The following GPHN variants were observed in gnomAD, a reference collection of about 807,000 sequenced individuals.
The protein encoded by GPHN is gephyrin.
A neutral mutation model predicts 95.5 loss-of-function variants in GPHN; 17 were observed. The ratio of observed to expected loss-of-function variants is 0.18; its 90% CI spans 0.12 to 0.27. The LOEUF (loss-of-function observed/expected upper bound fraction) is 0.27. Among genes scored for constraint, GPHN ranks in the 10% least tolerant of loss-of-function variants. The pLI is 1.00. For synonymous variants in GPHN, 320 were observed against 322.5 expected (o/e 0.99, Z 0.08); for missense variants, 660 against 978.1 (o/e 0.67, Z 4.34).
At chr14:67,718,190 C>T in the GPHN span, among the ~76,000 whole-genome samples, 1 of 152,108 alleles carries the variant, frequency 6.6e-6, no homozygotes, top group East Asian at 1.9e-4. Flanking sequence ...TGGTGCTGTA[C>T]GGGCTCCTTA....
chr14:67,324,208 T>C, the GPHN span, among the ~76,000 whole-genome samples: 1 of 152,236 alleles, frequency 6.6e-6, no homozygotes, highest in East Asian at 1.9e-4. Flanking sequence ...CTGCTTTTTT[T>C]CTCCCTTTGG....
the GPHN span, chr14:67,580,884 T>C: frequency 9.5e-6 from 11 of 1,161,952 alleles, no homozygotes; most frequent in African/African-American, 1.5e-4. Flanking sequence ...TGGACCTTGA[T>C]CCCTTCTCTC....
At chr14:66,678,697 C>T (rs1020548369) in intron 1 of GPHN, among the ~76,000 whole-genome samples, 4 of 151,970 alleles carry the variant, frequency 2.6e-5, no homozygotes, top group Non-Finnish European at 4.4e-5. Context: ...TTAGCAATTT[C>T]GTCTTTCAGT....
At chr14:67,294,087 A>C in the GPHN span, among the ~76,000 whole-genome samples, 1 of 152,246 alleles carries the variant, frequency 6.6e-6, no homozygotes, top group Non-Finnish European at 1.5e-5. Context: ...ACTTTAAAAA[A>C]GATCAATTTT....
intron 2 of GPHN, among the ~76,000 whole-genome samples, chr14:66,724,045 C>A (rs183694116): frequency 4.5e-4 from 68 of 151,196 alleles, no homozygotes; most frequent in Middle Eastern, 3.5e-3. Context: ...AAAGATCTTA[C>A]AGGTTTCATT....
intron 8 of GPHN, among the ~76,000 whole-genome samples, chr14:66,963,476 A>G (rs966226568): frequency 2.6e-5 from 4 of 152,070 alleles, no homozygotes; most frequent in African/African-American, 9.7e-5. Context: ...CATTGATCAA[A>G]GTATCACACG....
At chr14:67,564,335 A>C in the GPHN span, among the ~76,000 whole-genome samples, 1 of 152,102 alleles carries the variant, frequency 6.6e-6, no homozygotes, top group Non-Finnish European at 1.5e-5. Context: ...ATGTCTTGAT[A>C]TCTGTCTGGT....
the GPHN span, among the ~76,000 whole-genome samples, chr14:67,540,399 G>A: frequency 1.3e-5 from 2 of 152,078 alleles, no homozygotes; most frequent in Non-Finnish European, 2.9e-5. Context: ...ATTGAGGCCG[G>A]TGGATCACTT....
the GPHN span, chr14:67,649,463 G>A: frequency 6.6e-5 from 10 of 152,092 alleles, no homozygotes; most frequent in Non-Finnish European, 1.5e-4. Flanking sequence ...GATACATAAA[G>A]CAGTTTGCTT....
chr14:67,203,170 C>T, the GPHN span: 1 of 1,613,982 alleles, frequency 6.2e-7, no homozygotes, highest in Non-Finnish European at 8.5e-7. Context: ...TTTTCCAGCT[C>T]CACCCACAAG....
intron 20 of GPHN, among the ~76,000 whole-genome samples, chr14:67,166,392 T>C (rs954944440): frequency 3.3e-5 from 5 of 152,330 alleles, no homozygotes; most frequent in Non-Finnish European, 7.4e-5. Flanking sequence ...AGATATGACT[T>C]AACCTACAGA....
At chr14:66,961,568 G>A (rs2068900145) in intron 8 of GPHN, among the ~76,000 whole-genome samples, 1 of 151,016 alleles carries the variant, frequency 6.6e-6, no homozygotes, top group South Asian at 2.1e-4. Context: ...AATTTAATAA[G>A]AAAAGAACAA....
the GPHN span, chr14:67,583,811 A>T: frequency 6.2e-7 from 1 of 1,613,130 alleles, no homozygotes; most frequent in Non-Finnish European, 8.5e-7. Context: ...AAGGCTCAGC[A>T]TCTTCTCCAG....
intron 4 of GPHN, among the ~76,000 whole-genome samples, chr14:66,866,328 T>A (rs2063220866): frequency 6.6e-6 from 1 of 152,126 alleles, no homozygotes. Context: ...AATACATACA[T>A]ATTCCATATA....
the GPHN span, chr14:67,651,510 T>C: frequency 6.2e-7 from 1 of 1,611,098 alleles, no homozygotes; most frequent in Non-Finnish European, 8.5e-7. Flanking sequence ...TGGGGAGTAG[T>C]CAGAAGTTTG....
chr14:66,903,104 C>A (rs1330332597), intron 5 of GPHN, among the ~76,000 whole-genome samples: 5 of 152,002 alleles, frequency 3.3e-5, no homozygotes, highest in African/African-American at 1.2e-4. Context: ...TTGTAAATAT[C>A]AGTTAGGCAT....
intron 1 of GPHN, among the ~76,000 whole-genome samples, chr14:66,519,337 A>G (rs982639230): frequency 6.6e-6 from 1 of 152,002 alleles, no homozygotes; most frequent in Admixed American, 6.6e-5. Flanking sequence ...TCTTTTGTAT[A>G]CAGTCATATA....
intron 1 of GPHN, among the ~76,000 whole-genome samples, chr14:66,534,113 G>C (rs1474172478): frequency 1.3e-5 from 2 of 152,114 alleles, no homozygotes; most frequent in Non-Finnish European, 2.9e-5. Flanking sequence ...ATTGCTTGCT[G>C]TAGTAGCAAT....
At chr14:67,494,890 T>A in the GPHN span, among the ~76,000 whole-genome samples, 1 of 152,148 alleles carries the variant, frequency 6.6e-6, no homozygotes, top group Admixed American at 6.5e-5. Flanking sequence ...GGTGGGAAGA[T>A]TGCTTGAAGT....
Sources: gnomAD v4.1 joint callset for allele counts (sites outside exome capture counted in the v4.1 genomes callset) on GRCh38, gnomAD v4.1.1 for gene constraint, MANE v1.5 for transcripts, NCBI Gene and HGNC (gene_info 2026-07-23, HGNC 2026-07-21) for gene names.